The following PTPRG variants were observed in gnomAD, a reference collection of about 807,000 sequenced individuals.
PTPRG encodes receptor-type tyrosine-protein phosphatase gamma.
Under a neutral mutation model 165.3 loss-of-function variants are expected in PTPRG, and 102 were observed. That is an observed-to-expected ratio of 0.62 (90% CI 0.53 to 0.73). The LOEUF is 0.73. PTPRG is among the 30% of genes least tolerant of loss of function. The pLI is 0.00. For synonymous variants in PTPRG, 675 were observed against 669.5 expected (o/e 1.01, Z -0.13); for missense variants, 1,866 against 1,861.4 (o/e 1.00, Z -0.05).
chr3:62,160,758 A>G (rs1576078683), intron 7 of PTPRG, among the ~76,000 whole-genome samples: 1 of 152,078 alleles, frequency 6.6e-6, no homozygotes. Flanking sequence ...GGCACTACCT[A>G]TGATTTTCCC....
At chr3:62,211,836 G>A (rs573825580) in intron 12 of PTPRG, among the ~76,000 whole-genome samples, 4 of 152,232 alleles carry the variant, frequency 2.6e-5, no homozygotes, top group South Asian at 4.2e-4. Context: ...GCTGCCGGTA[G>A]CATTTATAGT....
chr3:62,003,918 G>A (rs1483696538), intron 4 of PTPRG, among the ~76,000 whole-genome samples: 1 of 152,006 alleles, frequency 6.6e-6, no homozygotes, highest in Non-Finnish European at 1.5e-5. Context: ...AAAGTTTTAA[G>A]TTTTTTTTGC....
At chr3:61,719,616 C>T (rs992553032) in intron 1 of PTPRG, among the ~76,000 whole-genome samples, 2 of 152,148 alleles carry the variant, frequency 1.3e-5, no homozygotes, top group African/African-American at 4.8e-5. Context: ...TATTATGGTT[C>T]CTTACCCTCC....
At chr3:61,925,033 C>T (rs2107570419) in intron 2 of PTPRG, among the ~76,000 whole-genome samples, 1 of 152,202 alleles carries the variant, frequency 6.6e-6, no homozygotes, top group South Asian at 2.1e-4. Context: ...ACACTGGTCC[C>T]CTGATTTTGG....
chr3:62,182,586 C>A (rs1389870166), intron 8 of PTPRG, among the ~76,000 whole-genome samples: 1 of 152,212 alleles, frequency 6.6e-6, no homozygotes, highest in Non-Finnish European at 1.5e-5. Context: ...CATGTGTTCA[C>A]CTTTATCCAT....
At chr3:62,212,588 A>T (rs916119635) in intron 12 of PTPRG, among the ~76,000 whole-genome samples, 1 of 152,108 alleles carries the variant, frequency 6.6e-6, no homozygotes, top group African/African-American at 2.4e-5. Flanking sequence ...CCATCTTGCA[A>T]ACTGAAACCA....
At chr3:62,068,689 T>C (rs536792446) in intron 4 of PTPRG, among the ~76,000 whole-genome samples, 1 of 152,210 alleles carries the variant, frequency 6.6e-6, no homozygotes, top group African/African-American at 2.4e-5. Context: ...AGATAAGGTC[T>C]CCCTATGTTT....
At chr3:61,967,376 T>C (rs932560612) in intron 2 of PTPRG, among the ~76,000 whole-genome samples, 1 of 152,174 alleles carries the variant, frequency 6.6e-6, no homozygotes, top group Admixed American at 6.5e-5. Flanking sequence ...TATTACTCAT[T>C]TTATCAGCAA....
At chr3:61,598,569 G>T (rs1457882781) in intron 1 of PTPRG, among the ~76,000 whole-genome samples, 1 of 152,196 alleles carries the variant, frequency 6.6e-6, no homozygotes, top group African/African-American at 2.4e-5. Flanking sequence ...TAGAGTCGGG[G>T]ACCAGTGCCC....
rs114173789 is a variant in PTPRG, at chr3:62,278,471, T to C, written c.3765+792T>C. 6.9e-3 allele frequency among the ~76,000 whole-genome samples: 1,056 copies of C among 152,244 alleles called. 12 individuals are homozygous for C. Among genetic ancestry groups the C allele is most frequent in the African/African-American group, 0.023 (956 of 41,554 alleles). The stretch of plus-strand genomic sequence containing the variant: ...AGACTTAAATGTTTCTGCTTAGATC[T>C]TGTGGATACTTAAGTTTCGGAATTA... On this transcript the variant is annotated intron_variant, in intron 26 of 29. Transcript: ENST00000474889.
chr3:61,830,872 C>T (rs1431904139), intron 2 of PTPRG, among the ~76,000 whole-genome samples: 3 of 152,182 alleles, frequency 2.0e-5, no homozygotes, highest in Non-Finnish European at 2.9e-5. Context: ...CTGCGCCCTG[C>T]CGATGGATCT....
chr3:61,994,828 T>G (rs990490190), intron 3 of PTPRG, among the ~76,000 whole-genome samples: 4 of 152,204 alleles, frequency 2.6e-5, no homozygotes, highest in African/African-American at 9.6e-5. Context: ...GAGGAGGATG[T>G]AGCTCTGCTG....
At chr3:62,286,328 A>T (rs973156287) in intron 28 of PTPRG, among the ~76,000 whole-genome samples, 5 of 152,092 alleles carry the variant, frequency 3.3e-5, no homozygotes, top group African/African-American at 1.2e-4. Flanking sequence ...TCCAGCTTCA[A>T]TTTTTTTGTT....
At chr3:62,099,119 C>G (rs1436612063) in intron 5 of PTPRG, among the ~76,000 whole-genome samples, 1 of 152,166 alleles carries the variant, frequency 6.6e-6, no homozygotes, top group African/African-American at 2.4e-5. Context: ...GGAATTTTCA[C>G]CACTGGCACT....
chr3:61,753,134 T>C (rs566547547), intron 2 of PTPRG, among the ~76,000 whole-genome samples: 6 of 152,260 alleles, frequency 3.9e-5, no homozygotes, highest in Admixed American at 1.3e-4. Flanking sequence ...TTTCATCTGC[T>C]AGTAAAAAAG....
intron 5 of PTPRG, among the ~76,000 whole-genome samples, chr3:62,128,002 T>C (rs1437147061): frequency 1.3e-5 from 2 of 152,208 alleles, no homozygotes; most frequent in Non-Finnish European, 2.9e-5. Context: ...TGAGCGTTTA[T>C]GTGAATTTGG....
intron 2 of PTPRG, among the ~76,000 whole-genome samples, chr3:61,780,681 A>G (rs1192465286): frequency 6.6e-6 from 1 of 152,178 alleles, no homozygotes; most frequent in Non-Finnish European, 1.5e-5. Context: ...GATATTGTGA[A>G]CTTAGCCATT....
chr3:61,622,953 A>G (rs1701504555), intron 1 of PTPRG, among the ~76,000 whole-genome samples: 1 of 152,194 alleles, frequency 6.6e-6, no homozygotes, highest in Non-Finnish European at 1.5e-5. Context: ...TAATAATGTC[A>G]TATTTTTCCT....
Position 61,989,755 on chromosome 3 carries a change from C to T in PTPRG, c.321C>T (p.Phe107=), listed in dbSNP as rs757888445. The change falls in exon 3 of 30, where the codon TTC becomes TTT. Residue 107 remains phenylalanine (F), a synonymous_variant. Transcript: ENST00000474889. ...EEYQELQLDG[F]DNESSNKTWM... is the part of the protein sequence containing the mutation. ...ACCAGGAACTGCAACTCGATGGCTTCGACAATGAGTCTTCTAACAAAACCT... is the reference window on the plus strand; with the variant it reads ...ACCAGGAACTGCAACTCGATGGCTTTGACAATGAGTCTTCTAACAAAACCT... 1.1e-5 allele frequency: 17 copies of T among 1,613,944 alleles called. No individual in the cohort carries two copies. Among genetic ancestry groups the T allele is most frequent in the East Asian group, 6.7e-5 (3 of 44,886 alleles).
Sources: gnomAD v4.1 joint callset for allele counts (sites outside exome capture counted in the v4.1 genomes callset) on GRCh38, gnomAD v4.1.1 for gene constraint, MANE v1.5 for transcripts, NCBI Gene and HGNC (gene_info 2026-07-23, HGNC 2026-07-21) for gene names.